Variants in GRM7 observed in about 807,000 individuals in gnomAD.
GRM7 encodes the protein glutamate metabotropic receptor 7.
Under a neutral mutation model 84.5 loss-of-function variants are expected in GRM7, and 35 were observed. The ratio of observed to expected loss-of-function variants is 0.41; its 90% CI spans 0.32 to 0.55. The LOEUF is 0.55. GRM7 is among the 20% of genes least tolerant of loss of function. GRM7 has a pLI of 0.19. For missense variants in GRM7, 1,003 were observed against 1,194.6 expected (o/e 0.84, Z 2.36); for synonymous variants, 487 against 455.1 (o/e 1.07, Z -0.89).
At chr3:7,036,837 T>C (rs2124934934) in intron 1 of GRM7, among the ~76,000 whole-genome samples, 1 of 152,260 alleles carries the variant, frequency 6.6e-6, no homozygotes, top group African/African-American at 2.4e-5. Flanking sequence ...AGAAACTCAG[T>C]CACAACTTTT....
chr3:6,874,826 C>T (rs899146053), intron 1 of GRM7, among the ~76,000 whole-genome samples: 1 of 152,188 alleles, frequency 6.6e-6, no homozygotes, highest in Admixed American at 6.5e-5. Flanking sequence ...CTTCAAAGAC[C>T]ATTCAAGGAA....
intron 1 of GRM7, among the ~76,000 whole-genome samples, chr3:7,033,481 C>T (rs7633566): frequency 0.013 from 1,937 of 152,216 alleles, 43 homozygotes; most frequent in African/African-American, 0.045. Context: ...TATAAAAACA[C>T]GTTCAAAATA....
At chr3:7,677,278 A>C (rs867311327) in intron 8 of GRM7, among the ~76,000 whole-genome samples, 6,272 of 149,020 alleles carry the variant, frequency 0.042, 196 homozygotes, top group Non-Finnish European at 0.064. Flanking sequence ...AAAAAAAAAA[A>C]AAAAAAAAAA....
At chr3:7,198,233 A>G (rs1257846485) in intron 2 of GRM7, among the ~76,000 whole-genome samples, 2 of 152,190 alleles carry the variant, frequency 1.3e-5, no homozygotes, top group African/African-American at 4.8e-5. Flanking sequence ...TATATATGCA[A>G]CAGCACAGAT....
chr3:7,445,583 C>T (rs939854378), intron 5 of GRM7, among the ~76,000 whole-genome samples: 10 of 152,250 alleles, frequency 6.6e-5, no homozygotes, highest in African/African-American at 2.2e-4. Context: ...CAAATAGAGG[C>T]ACAGCAATAC....
intron 4 of GRM7, among the ~76,000 whole-genome samples, chr3:7,320,277 C>A (rs1341463761): frequency 2.0e-5 from 3 of 151,776 alleles, no homozygotes; most frequent in Non-Finnish European, 4.4e-5. Context: ...GAAAAGCATA[C>A]AAATCTATTT....
intron 2 of GRM7, among the ~76,000 whole-genome samples, chr3:7,266,956 C>G (rs1384294825): frequency 6.6e-6 from 1 of 152,202 alleles, no homozygotes; most frequent in Non-Finnish European, 1.5e-5. Flanking sequence ...CTCTTAGCGT[C>G]TTAAAGGGCC....
At chr3:7,547,563 A>G (rs1212880566) in intron 7 of GRM7, among the ~76,000 whole-genome samples, 1 of 152,152 alleles carries the variant, frequency 6.6e-6, no homozygotes, top group East Asian at 1.9e-4. Flanking sequence ...AGAATGTGCT[A>G]TGGTGCTTCC....
rs1701392476 is a variant in GRM7 at position 7,706,477 on chromosome 3, T to A, written c.2698+26182T>A. On this transcript the variant is annotated intron_variant, in intron 9 of 9. Transcript: ENST00000357716. Reference sequence around the variant, plus strand: ...GATTTTTCGAAACTACCCTAAGTTTTGGTAATTTGCTTAGAAGGACTCCGA... The same window carrying A: ...GATTTTTCGAAACTACCCTAAGTTTAGGTAATTTGCTTAGAAGGACTCCGA... Among the ~76,000 whole-genome samples the A allele has an allele frequency of 2.0e-5, 3 of 152,174 alleles. No homozygotes were observed. The South Asian group carries it at 6.2e-4, about 32-fold the overall frequency.
At chr3:6,933,980 G>T (rs1466500315) in intron 1 of GRM7, among the ~76,000 whole-genome samples, 3 of 152,300 alleles carry the variant, frequency 2.0e-5, no homozygotes, top group Non-Finnish European at 2.9e-5. Flanking sequence ...TGAGGACAAG[G>T]TTGGGCTAAG....
intron 8 of GRM7, among the ~76,000 whole-genome samples, chr3:7,661,544 C>T (rs1699445223): frequency 1.3e-5 from 2 of 152,016 alleles, no homozygotes; most frequent in African/African-American, 2.4e-5. Flanking sequence ...CCTGTAATCC[C>T]AGCACTTTGG....
chr3:7,166,213 G>A (rs1694793598), intron 2 of GRM7, among the ~76,000 whole-genome samples: 1 of 150,386 alleles, frequency 6.6e-6, no homozygotes, highest in Non-Finnish European at 1.5e-5. Flanking sequence ...AGGAAAATGA[G>A]CTATTTCCAG....
At chr3:7,507,835 T>G (rs2124973186) in intron 7 of GRM7, among the ~76,000 whole-genome samples, 1 of 152,328 alleles carries the variant, frequency 6.6e-6, no homozygotes, top group Middle Eastern at 3.4e-3. Context: ...AATGCTTACA[T>G]ATTTTTATGC....
chr3:7,692,648 A>G (rs929417554), intron 9 of GRM7, among the ~76,000 whole-genome samples: 2 of 152,184 alleles, frequency 1.3e-5, no homozygotes, highest in African/African-American at 2.4e-5. Flanking sequence ...TCAACTATCC[A>G]TTGAAGCAGG....
intron 2 of GRM7, among the ~76,000 whole-genome samples, chr3:7,288,129 C>T (rs1184486604): frequency 6.6e-6 from 1 of 152,070 alleles, no homozygotes; most frequent in Non-Finnish European, 1.5e-5. Context: ...ATATGTTATG[C>T]CCATTCCTAC....
At chr3:7,330,378 C>G (rs1462845492) in intron 4 of GRM7, among the ~76,000 whole-genome samples, 1 of 152,130 alleles carries the variant, frequency 6.6e-6, no homozygotes, top group Non-Finnish European at 1.5e-5. Context: ...TGACCTCCAT[C>G]CTCAAGTCTT....
In GRM7 at chr3:6,882,547, CA is replaced by C. The variant is rs917321968; in HGVS notation, c.519+20650del. 6.9e-3 allele frequency among the ~76,000 whole-genome samples: 1,044 copies of C among 151,030 alleles called. 8 individuals carry two copies. Among genetic ancestry groups the C allele is most frequent in the African/African-American group, 0.024 (991 of 40,988 alleles). ...GACAACACAGCAAGACCTTGTTTCC[CA>C]AAAAAAAAATAAAAAGTATAAATAA... On this transcript the variant is annotated intron_variant, in intron 1 of 9. Coordinates refer to ENST00000357716, the MANE Select transcript of GRM7 (RefSeq NM_000844.4).
chr3:7,012,718 C>T lies in GRM7; in HGVS notation c.520-133734C>T, dbSNP rs532991925. Among the ~76,000 whole-genome samples, 6 of 152,196 alleles carry T rather than the reference C, an allele frequency of 3.9e-5. No individual in the cohort carries two copies. In the East Asian group the frequency reaches 7.8e-4, roughly 20 times the overall value. On this transcript the variant is annotated intron_variant, in intron 1 of 9. Coordinates refer to ENST00000357716, the MANE Select transcript of GRM7 (RefSeq NM_000844.4). The stretch of plus-strand genomic sequence containing the variant: ...ACAAAGAAGAATCTGAACAAATAGG[C>T]CTTGCTAAGTTTCCCCCAGTTTATT...
chr3:7,469,694 A>G (rs1424050404), intron 7 of GRM7, among the ~76,000 whole-genome samples: 2 of 152,168 alleles, frequency 1.3e-5, no homozygotes, highest in Non-Finnish European at 2.9e-5. Context: ...AGGATGAGGA[A>G]GGTCTCTCTG....
Sources: gnomAD v4.1 joint callset for allele counts (sites outside exome capture counted in the v4.1 genomes callset) on GRCh38, gnomAD v4.1.1 for gene constraint, MANE v1.5 for transcripts, NCBI Gene and HGNC (gene_info 2026-07-23, HGNC 2026-07-21) for gene names.